The following ARL13B variants were observed in gnomAD, a reference collection of about 807,000 sequenced individuals.
ARL13B encodes ADP-ribosylation factor-like protein 13B.
In ARL13B, 36 loss-of-function variants were observed where a neutral mutation model predicts 56.1. The observed-to-expected ratio is 0.64, with a 90% CI of 0.49 to 0.85. The LOEUF (loss-of-function observed/expected upper bound fraction) is 0.85, where lower values mean the gene tolerates loss of function less well. Among genes scored for constraint, ARL13B ranks in the 40% least tolerant of loss-of-function variants. The pLI is 0.00. For synonymous variants in ARL13B, 178 were observed against 171.1 expected (o/e 1.04, Z -0.32); for missense variants, 519 against 507.1 (o/e 1.02, Z -0.23).
In ARL13B at chr3:94,043,222, C is replaced by A; in HGVS notation, c.1006C>A (p.Arg336=). 6.2e-7 allele frequency: 1 copy of A among 1,612,476 alleles called. No individual in the cohort carries two copies. Among genetic ancestry groups the A allele is most frequent in the Non-Finnish European group, 8.5e-7 (1 of 1,179,448 alleles). ...QQLKNEDETD[R]PSLESANGKK... ...GTTAAAGAATGAAGATGAGACAGAC[C>A]GGCCATCATTGGAATCAGGTAATAA... is the stretch of plus-strand genomic sequence containing the variant. The change falls in exon 7 of 10, where the codon CGG becomes AGG. Residue 336 remains arginine (R), a synonymous_variant. Transcript: ENST00000394222.
intron 9 of ARL13B, 24 bp from the exon 10 acceptor site, chr3:94,053,163 A>G (rs771293119): frequency 6.3e-7 from 1 of 1,595,152 alleles, no homozygotes; most frequent in Non-Finnish European, 8.6e-7. Context: ...TGTTTTGTGC[A>G]TTTGGTTTTC....
chr3:94,004,092 G>A (rs934588644), intron 3 of ARL13B, among the ~76,000 whole-genome samples, 184 bp downstream of exon 3: 2 of 152,034 alleles, frequency 1.3e-5, no homozygotes, highest in Non-Finnish European at 2.9e-5. Context: ...AGGGGAAAAG[G>A]GCTAAGGCTA....
At chr3:94,044,911 G>A (rs1395229820) in intron 7 of ARL13B, among the ~76,000 whole-genome samples, 10 of 151,896 alleles carry the variant, frequency 6.6e-5, no homozygotes, top group African/African-American at 1.5e-4. Flanking sequence ...GCCTCTGCCC[G>A]CCGCCGCATC....
At chr3:94,035,525 T>A in intron 4 of ARL13B, 89 bp downstream of exon 4, 1 of 857,210 alleles carries the variant, frequency 1.2e-6, no homozygotes, top group African/African-American at 1.7e-5. Context: ...TGATAGCAAT[T>A]AAAAGGCAAT....
At position 94,030,296 on chromosome 3, in the gene ARL13B, G is replaced by A. The variant is rs548559287; in HGVS notation, c.381-5035G>A. Among the ~76,000 whole-genome samples the A allele has an allele frequency of 6.0e-3, 913 of 151,728 alleles. 7 individuals are homozygous for A. The highest frequency in any genetic ancestry group is 7.4e-3 in the Non-Finnish European group (504 of 67,926). On this transcript the variant is annotated intron_variant, in intron 3 of 9. Coordinates refer to ENST00000394222, the MANE Select transcript of ARL13B (RefSeq NM_001174150.2). ...GCCTGGAGTGCAGTGGCGCGATCTC[G>A]GCTCACTGCAACCTCTGCCTCCTGG... is the stretch of plus-strand genomic sequence containing the variant.
At chr3:93,998,530 C>G (rs1466276009) in intron 2 of ARL13B, among the ~76,000 whole-genome samples, 7 of 152,120 alleles carry the variant, frequency 4.6e-5, no homozygotes, top group Non-Finnish European at 1.5e-5. Context: ...TGAAACTTCC[C>G]AGATGTAAGC....
chr3:94,020,971 T>G (rs2076435724), intron 3 of ARL13B, among the ~76,000 whole-genome samples: 1 of 151,968 alleles, frequency 6.6e-6, no homozygotes, highest in Admixed American at 6.6e-5. Context: ...TCTACTTTAC[T>G]GGCAAGGAAC....
chr3:94,020,315 A>T (rs2076421031), intron 3 of ARL13B, among the ~76,000 whole-genome samples: 1 of 152,202 alleles, frequency 6.6e-6, no homozygotes, highest in Admixed American at 6.5e-5. Context: ...AAGTATTGTC[A>T]TGATCTCTAT....
intron 6 of ARL13B, among the ~76,000 whole-genome samples, chr3:94,042,562 GAA>G (rs2076881090): frequency 1.3e-5 from 2 of 152,092 alleles, no homozygotes; most frequent in South Asian, 4.1e-4. Context: ...GGCATGGAAA[GAA>G]ATGTATATTC....
intron 3 of ARL13B, among the ~76,000 whole-genome samples, chr3:94,029,978 A>G (rs967178544): frequency 1.3e-5 from 2 of 152,196 alleles, no homozygotes; most frequent in African/African-American, 4.8e-5. Context: ...AATATTGTAT[A>G]TATACACAAA....
chr3:93,991,630 C>T (rs995793777), intron 1 of ARL13B, among the ~76,000 whole-genome samples: 2 of 152,212 alleles, frequency 1.3e-5, no homozygotes, highest in African/African-American at 4.8e-5. Flanking sequence ...TTCAGCCCCG[C>T]AGAGTGCTGG....
chr3:94,003,663 C>A lies in ARL13B; in HGVS notation c.135C>A (p.Tyr45Ter). ...TATAKGIQGE[Y>*]PEDVAPTVGF... ...TTTGTGTATCATTTGTAACAGAATA[C>A]CCTGAAGATGTAGCTCCTACTGTTG... The change falls in exon 3 of 10, where the codon TAC becomes TAA. Residue 45 changes from tyrosine (Y) to a stop codon, truncating the protein, a stop_gained. Coordinates refer to ENST00000394222, the MANE Select transcript of ARL13B (RefSeq NM_001174150.2). LOFTEE classifies it high-confidence loss of function. 1.9e-6 allele frequency: 3 copies of A among 1,612,860 alleles called. No individual in the cohort carries two copies. Among genetic ancestry groups the A allele is most frequent in the Non-Finnish European group, 2.5e-6 (3 of 1,179,322 alleles).
At chr3:93,996,776 C>T in intron 2 of ARL13B, 2 of 189,056 alleles carry the variant, frequency 1.1e-5, no homozygotes, top group Non-Finnish European at 2.4e-5. Flanking sequence ...AGTCAGGCAT[C>T]TAAAGTGAGT....
At chr3:93,984,523 G>A (rs1313261916) in intron 1 of ARL13B, among the ~76,000 whole-genome samples, 1 of 152,096 alleles carries the variant, frequency 6.6e-6, no homozygotes, top group African/African-American at 2.4e-5. Context: ...AGGCAGAAGA[G>A]GTGGAAATGG....
At chr3:93,996,030 A>C (rs969666794) in intron 2 of ARL13B, 86 bp downstream of exon 2, 1 of 1,344,702 alleles carries the variant, frequency 7.4e-7, no homozygotes, top group African/African-American at 1.5e-5. Flanking sequence ...ATTCCTTATT[A>C]ATTTGGTACA....
At chr3:94,018,777 G>GT (rs1478193266) in intron 3 of ARL13B, among the ~76,000 whole-genome samples, 4 of 151,822 alleles carry the variant, frequency 2.6e-5, no homozygotes, top group African/African-American at 9.7e-5. Flanking sequence ...TTTTTTGTTT[G>GT]TTTTTTGAGA....
At position 93,980,288 on chromosome 3, in the gene ARL13B, T is replaced by A. The variant is rs1710141983; in HGVS notation, c.-136T>A. ...GGCTTAGTGCTCGGGCCGGCCGCCT[T>A]CACTTCCCTCCCGGCTTTTCCTCCC... On this transcript the variant is annotated 5_prime_UTR_variant, in exon 1 of 10. Coordinates refer to ENST00000394222, the MANE Select transcript of ARL13B (RefSeq NM_001174150.2). 8 of 1,202,254 alleles carry A rather than the reference T, an allele frequency of 6.7e-6. No individual in the cohort carries two copies. The East Asian group carries it at 2.0e-4, about 29-fold the overall frequency. 74.5% of individuals were successfully genotyped at this position (1,202,254 alleles called of 1,614,324 possible). A position where few individuals can be genotyped will look rare whatever the true frequency, so the allele number is the denominator to read the frequency against.
intron 7 of ARL13B, among the ~76,000 whole-genome samples, chr3:94,045,579 A>C (rs1029595623): frequency 6.6e-6 from 1 of 152,126 alleles, no homozygotes; most frequent in Non-Finnish European, 1.5e-5. Context: ...TTCATTATAA[A>C]ATATATGTAA....
intron 3 of ARL13B, chr3:94,015,274 C>T (rs774140218): frequency 6.6e-7 from 1 of 1,522,814 alleles, no homozygotes. Flanking sequence ...TTTCATCTTC[C>T]CTTTCCTCCT....
Sources: gnomAD v4.1 joint callset for allele counts (sites outside exome capture counted in the v4.1 genomes callset) on GRCh38, gnomAD v4.1.1 for gene constraint, MANE v1.5 for transcripts, NCBI Gene and HGNC (gene_info 2026-07-23, HGNC 2026-07-21) for gene names.